Variants in SNAPC1 observed in about 807,000 individuals in gnomAD.
The protein encoded by SNAPC1 is snRNA-activating protein complex subunit 1.
SNAPC1 carries 42 observed loss-of-function variants against 50.1 expected under a neutral mutation model. The observed-to-expected ratio is 0.84, with a 90% CI of 0.65 to 1.08. The LOEUF (loss-of-function observed/expected upper bound fraction) is 1.08. Among genes scored for constraint, SNAPC1 ranks in the 50% least tolerant of loss-of-function variants. The pLI, the probability that SNAPC1 is intolerant of heterozygous loss-of-function variation, is 0.00. For synonymous variants in SNAPC1, 164 were observed against 144.2 expected (o/e 1.14, Z -0.98); for missense variants, 477 against 427.3 (o/e 1.12, Z -1.02).
chr14:61,776,011 G>A, intron 4 of SNAPC1, 84 bp from the exon 5 acceptor site: 1 of 1,011,512 alleles, frequency 9.9e-7, no homozygotes, highest in Admixed American at 2.9e-5. Flanking sequence ...AGTCACTTTG[G>A]AAGGTGACTA....
chr14:61,784,453 A>G (rs1200240935), intron 8 of SNAPC1, among the ~76,000 whole-genome samples: 1 of 148,856 alleles, frequency 6.7e-6, no homozygotes, highest in Non-Finnish European at 1.5e-5. Context: ...TCCACCATCC[A>G]TTCTTGATTT....
rs190884054 is a variant in SNAPC1, at chr14:61,763,783, A to G, written c.128+1195A>G. Among the ~76,000 whole-genome samples, 3 of 152,258 alleles carry G rather than the reference A, an allele frequency of 2.0e-5. No homozygotes were observed. In the East Asian group the frequency reaches 5.8e-4, roughly 29 times the overall value. On this transcript the variant is annotated intron_variant, in intron 1 of 9. Coordinates refer to ENST00000216294, the MANE Select transcript of SNAPC1 (RefSeq NM_003082.4). Reference sequence around the variant, plus strand: ...TAGGTTATGGAACCCAATTGGCTGCATTTGATTGCAGGGTCCGCTATGACT... The same window carrying G: ...TAGGTTATGGAACCCAATTGGCTGCGTTTGATTGCAGGGTCCGCTATGACT...
intron 8 of SNAPC1, among the ~76,000 whole-genome samples, chr14:61,785,902 G>A (rs7152597): frequency 0.16 from 23,304 of 145,816 alleles, 2,163 homozygotes; most frequent in South Asian, 0.33. Context: ...AGGCTGGTTT[G>A]CCCTAAGCAG....
intron 1 of SNAPC1, among the ~76,000 whole-genome samples, chr14:61,763,306 A>G (rs572797178): frequency 6.6e-6 from 1 of 152,056 alleles, no homozygotes; most frequent in Admixed American, 6.5e-5. Flanking sequence ...GTTGTTTTTC[A>G]AAAGTGCAAA....
chr14:61,774,038 T>C (rs762175952), intron 4 of SNAPC1, among the ~76,000 whole-genome samples: 12 of 152,260 alleles, frequency 7.9e-5, no homozygotes, highest in Non-Finnish European at 1.8e-4. Flanking sequence ...AAACTGAGGT[T>C]TAGAGAAGTT....
chr14:61,783,089 C>T (rs554322516), intron 8 of SNAPC1, among the ~76,000 whole-genome samples: 1 of 135,120 alleles, frequency 7.4e-6, no homozygotes, highest in African/African-American at 2.8e-5. Context: ...ATGGCACGAT[C>T]TTGGCTCACT....
intron 8 of SNAPC1, among the ~76,000 whole-genome samples, chr14:61,788,360 G>A (rs992595790): frequency 7.9e-5 from 12 of 152,136 alleles, no homozygotes; most frequent in Non-Finnish European, 1.5e-5. Flanking sequence ...TCCATACAGT[G>A]GAAAGGTGTT....
At chr14:61,789,748 C>A (rs2045139335) in intron 8 of SNAPC1, among the ~76,000 whole-genome samples, 1 of 151,968 alleles carries the variant, frequency 6.6e-6, no homozygotes. Flanking sequence ...TGTGACCAGG[C>A]CTTAAATGTG....
In SNAPC1 at chr14:61,794,998, G is replaced by A; in HGVS notation, c.*15G>A. 3 of 1,548,332 alleles carry A rather than the reference G, an allele frequency of 1.9e-6. No individual in the cohort carries two copies. The highest frequency in any genetic ancestry group is 2.6e-6 in the Non-Finnish European group (3 of 1,145,642). ...GAAAACACTGAACAAAGAGCCTGGT[G>A]TAGTTTTTAATTTTGAGTTTTCTGA... On this transcript the variant is annotated 3_prime_UTR_variant, in exon 10 of 10. Coordinates refer to ENST00000216294, the MANE Select transcript of SNAPC1 (RefSeq NM_003082.4).
intron 1 of SNAPC1, among the ~76,000 whole-genome samples, chr14:61,764,835 T>C (rs997087088): frequency 1.3e-5 from 2 of 152,214 alleles, no homozygotes; most frequent in African/African-American, 4.8e-5. Flanking sequence ...TTTGTATTCT[T>C]TTCCTATATT....
chr14:61,779,117 T>TA (rs2045054462), intron 7 of SNAPC1, among the ~76,000 whole-genome samples: 1 of 152,236 alleles, frequency 6.6e-6, no homozygotes. Context: ...TCTTCTCTTT[T>TA]AGCAGTTTCT....
At chr14:61,780,544 TG>T (rs975288325) in intron 7 of SNAPC1, among the ~76,000 whole-genome samples, 160 of 152,332 alleles carry the variant, frequency 1.1e-3, no homozygotes, top group African/African-American at 3.6e-3. Context: ...GGTGGTTTTT[TG>T]TTTGTTGAAT....
At position 61,768,653 on chromosome 14, in the gene SNAPC1, GA is replaced by G; in HGVS notation, c.454del (p.Ile152PhefsTer17). ...TCACATAGCTGTCATATAGGATGAA[GA>G]AAAAAATTCACCGAGCTGAAGTTAC... ...MPKLLSYRMK[K>X]KIHRAEVTEE... On this transcript the variant is annotated frameshift_variant, in exon 4 of 10. Coordinates refer to ENST00000216294, the MANE Select transcript of SNAPC1 (RefSeq NM_003082.4). LOFTEE classifies it high-confidence loss of function. The G allele has an allele frequency of 6.2e-7, 1 of 1,601,718 alleles. No individual in the cohort carries two copies. The highest frequency in any genetic ancestry group is 2.2e-5 in the East Asian group (1 of 44,740).
intron 7 of SNAPC1, among the ~76,000 whole-genome samples, chr14:61,780,114 G>A (rs1226297513): frequency 2.0e-5 from 3 of 152,144 alleles, no homozygotes; most frequent in African/African-American, 7.2e-5. Context: ...AGATTTCTTT[G>A]TCTTGGAGCT....
At chr14:61,779,517 A>AT (rs2045056585) in intron 7 of SNAPC1, among the ~76,000 whole-genome samples, 1 of 151,120 alleles carries the variant, frequency 6.6e-6, no homozygotes, top group Non-Finnish European at 1.5e-5. Flanking sequence ...TTCCCCTGAT[A>AT]TTTTTTCATT....
intron 4 of SNAPC1, among the ~76,000 whole-genome samples, chr14:61,769,684 A>G (rs1332685426): frequency 1.3e-5 from 2 of 152,202 alleles, no homozygotes; most frequent in African/African-American, 4.8e-5. Flanking sequence ...GGCGTGAGCC[A>G]CTGCACCCAG....
chr14:61,792,304 A>G (rs927725996), intron 8 of SNAPC1, among the ~76,000 whole-genome samples: 2 of 152,220 alleles, frequency 1.3e-5, no homozygotes, highest in African/African-American at 2.4e-5. Context: ...AGGTTGATGT[A>G]GAGAACCTCT....
rs1206249151 is a variant in SNAPC1, at chr14:61,795,560, T to G, written c.*577T>G. On this transcript the variant is annotated 3_prime_UTR_variant, in exon 10 of 10. Coordinates refer to ENST00000216294, the MANE Select transcript of SNAPC1 (RefSeq NM_003082.4). ...TTCTACTTCTGCAATTAAATATTCT[T>G]TAGTGCTTGTTTATTATTACTAAAT... The G allele has an allele frequency of 1.3e-5, 2 of 152,472 alleles. No individual in the cohort carries two copies. Among genetic ancestry groups the G allele is most frequent in the African/African-American group, 4.8e-5 (2 of 41,448 alleles). The allele number at this position is 152,472 out of a possible 1,614,324, so 9.4% of individuals were successfully genotyped here.
chr14:61,779,040 C>G, intron 7 of SNAPC1, 130 bp downstream of exon 7: 1 of 555,786 alleles, frequency 1.8e-6, no homozygotes, highest in South Asian at 2.7e-5. Context: ...TTATATAGCA[C>G]AACAGTCCCC....
Sources: allele counts gnomAD v4.1 joint callset (sites outside exome capture counted in the v4.1 genomes callset), GRCh38; gene constraint gnomAD v4.1.1; transcripts MANE v1.5; gene names NCBI Gene and HGNC (gene_info 2026-07-23, HGNC 2026-07-21).